COG1: variants seen among roughly 807,000 people sequenced by gnomAD.
COG1 encodes conserved oligomeric Golgi complex subunit 1.
A neutral mutation model predicts 102.2 loss-of-function variants in COG1; 61 were observed. That is an observed-to-expected ratio of 0.60 (90% CI 0.49 to 0.74). The LOEUF (loss-of-function observed/expected upper bound fraction) is 0.74, where lower values mean the gene tolerates loss of function less well. COG1 is among the 30% of genes least tolerant of loss of function. COG1 has a pLI of 0.00. For missense variants in COG1, 1,164 were observed against 1,232.1 expected, an observed-to-expected ratio of 0.94 and a Z score of 0.83; for synonymous variants, 454 against 493.6, an observed-to-expected ratio of 0.92 and a Z score of 1.06.
At chr17:73,198,665 G>C (rs2061334761) in intron 4 of COG1, among the ~76,000 whole-genome samples, 1 of 151,906 alleles carries the variant, frequency 6.6e-6, no homozygotes, top group Non-Finnish European at 1.5e-5. Flanking sequence ...GCAGGTGCCT[G>C]AGGGCCCAGA....
chr17:73,203,889 A>C, intron 9 of COG1, 96 bp downstream of exon 9: 1 of 1,399,694 alleles, frequency 7.1e-7, no homozygotes, highest in Non-Finnish European at 1.0e-6. Flanking sequence ...CAAAGACTCA[A>C]ACTGTTAAGG....
intron 5 of COG1, 95 bp from the exon 6 acceptor site, chr17:73,200,471 A>G: frequency 1.9e-6 from 2 of 1,061,324 alleles, no homozygotes; most frequent in Non-Finnish European, 1.5e-6. Flanking sequence ...TGGAACTCAG[A>G]TAAGAGATTG....
chr17:73,196,910 C>T lies in COG1; in HGVS notation c.571C>T (p.Leu191=). The T allele has an allele frequency of 6.2e-7, 1 of 1,614,224 alleles. No individual in the cohort carries two copies. The part of the protein sequence containing the change: ...AAASHFRSTI[L]HESKMLLKCQ... ...TCATCATTTTTCTAGGTCAACTATT[C>T]TGCATGAAAGCAAGATGTTGCTCAA... Residue 191 remains leucine (L), a synonymous_variant, in exon 3 of 14, where the codon CTG becomes TTG. Coordinates refer to ENST00000299886, the MANE Select transcript of COG1 (RefSeq NM_018714.3).
intron 1 of COG1, among the ~76,000 whole-genome samples, chr17:73,196,274 C>G (rs1296306448): frequency 6.6e-6 from 1 of 152,120 alleles, no homozygotes. Flanking sequence ...TTTGCCTCTT[C>G]GTGGGGCTGA....
chr17:73,202,795 G>A (rs2061352440), intron 7 of COG1, among the ~76,000 whole-genome samples: 1 of 152,116 alleles, frequency 6.6e-6, no homozygotes, highest in African/African-American at 2.4e-5. Flanking sequence ...CAAAAAAAAA[G>A]AAGTGGTATT....
chr17:73,194,945 C>A (rs1246321294), intron 1 of COG1, among the ~76,000 whole-genome samples: 1 of 152,210 alleles, frequency 6.6e-6, no homozygotes, highest in East Asian at 1.9e-4. Context: ...TTACAGAAAT[C>A]CTGGTCAGTA....
chr17:73,193,725 T>C (rs189354473), intron 1 of COG1, among the ~76,000 whole-genome samples: 22 of 152,316 alleles, frequency 1.4e-4, no homozygotes, highest in African/African-American at 4.1e-4. Flanking sequence ...AACGCTCACC[T>C]ATATAACATG....
rs2061355105 is a variant in COG1 at position 73,203,434 on chromosome 17, TCA to T, written c.2221-197_2221-196del. 6 of 745,140 alleles carry T rather than the reference TCA, an allele frequency of 8.1e-6. No homozygotes were observed. In the East Asian group the frequency reaches 1.6e-4, roughly 20 times the overall value. The allele number at this position is 745,140 out of a possible 1,614,324, so 46.2% of individuals were successfully genotyped here. A position where few individuals can be genotyped will look rare whatever the true frequency, so the allele number is the denominator to read the frequency against. ...CACAGGCACCTCTTCGAGATCAGCC[TCA>T]GACCGTGGAGGCAGTAACAGCAAAT... On this transcript the variant is annotated intron_variant, in intron 8 of 13. Transcript: ENST00000299886.
chr17:73,199,087 T>A (rs1202371314), intron 4 of COG1, among the ~76,000 whole-genome samples: 1 of 152,192 alleles, frequency 6.6e-6, no homozygotes, highest in Non-Finnish European at 1.5e-5. Context: ...GGGAGGGCCC[T>A]GGGTTTCAAA....
chr17:73,206,184 C>G lies in COG1; in HGVS notation c.2541C>G (p.Ala847=). Residue 847 remains alanine (A), a synonymous_variant, in exon 11 of 14, where the codon GCC becomes GCG. Coordinates refer to ENST00000299886, the MANE Select transcript of COG1 (RefSeq NM_018714.3). ...RIEKVTDHLE[A]LIDPFDLDVF... is the part of the protein sequence containing the mutation. ...AGAAAGTGACTGACCACCTGGAAGC[C>G]CTCATTGATCCATTTGACCTGGACG... 1 of 1,614,134 alleles carries G rather than the reference C, an allele frequency of 6.2e-7. No individual in the cohort carries two copies. Among genetic ancestry groups the G allele is most frequent in the East Asian group, 2.2e-5 (1 of 44,886 alleles).
intron 1 of COG1, 77 bp downstream of exon 1, chr17:73,193,461 C>T (rs965913326): frequency 1.5e-6 from 2 of 1,358,648 alleles, no homozygotes; most frequent in African/African-American, 3.1e-5. Context: ...ACCCCGCCCC[C>T]CTCTGTCAGT....
chr17:73,201,516 G>A lies in COG1; in HGVS notation c.1689G>A (p.Ala563=), dbSNP rs1313968056. ...CTGCCTTTGACAGATACGCAGATGC[G>A]GGGACCGTGCAGGAGATGCTGCGGA... ...KSSAFDRYAD[A]GTVQEMLRTQ... is the part of the protein sequence containing the mutation. The change falls in exon 7 of 14, where the codon GCG becomes GCA. Residue 563 remains alanine, a synonymous_variant. Coordinates refer to ENST00000299886, the MANE Select transcript of COG1 (RefSeq NM_018714.3). 5.0e-6 allele frequency: 8 copies of A among 1,614,102 alleles called. No homozygotes were observed. Among genetic ancestry groups the A allele is most frequent in the African/African-American group, 1.3e-5 (1 of 74,940 alleles).
At chr17:73,208,145 G>T in intron 13 of COG1, 169 bp from the exon 14 acceptor site, 1 of 1,509,622 alleles carries the variant, frequency 6.6e-7, no homozygotes, top group Non-Finnish European at 8.8e-7. Context: ...ATGCTGTTCC[G>T]TGTCCTCTTC....
intron 7 of COG1, among the ~76,000 whole-genome samples, chr17:73,202,418 T>A (rs900733584): frequency 6.6e-6 from 1 of 152,240 alleles, no homozygotes; most frequent in Non-Finnish European, 1.5e-5. Context: ...CAGATGAGAA[T>A]GAAAGACTTT....
At chr17:73,207,623 T>C in intron 13 of COG1, 1 of 1,105,814 alleles carries the variant, frequency 9.0e-7, no homozygotes, top group South Asian at 1.3e-5. Flanking sequence ...TATCTTCCCT[T>C]TTAGTTGGGT....
At chr17:73,203,465 A>G (rs1020332936) in intron 8 of COG1, 167 bp from the exon 9 acceptor site, 1 of 844,178 alleles carries the variant, frequency 1.2e-6, no homozygotes, top group South Asian at 1.6e-5. Flanking sequence ...AGCAAATTGC[A>G]CTTAACCAGG....
In COG1 at chr17:73,206,139, T is replaced by TA. The variant is rs1195706038; in HGVS notation, c.2511-13dup. 1.6e-5 allele frequency: 26 copies of TA among 1,582,748 alleles called. No individual in the cohort carries two copies. Among genetic ancestry groups the TA allele is most frequent in the Non-Finnish European group, 2.3e-5 (26 of 1,151,376 alleles). On this transcript the variant is annotated splice_polypyrimidine_tract_variant and intron_variant, in intron 10 of 13. Transcript: ENST00000299886. ...TAAAAAATGTGGACAGTAATGATCC[T>TA]AATCCTTTTCTCAGAATTGAGAAAG...
At chr17:73,206,110 A>G (rs200029265) in intron 10 of COG1, 44 bp from the exon 11 acceptor site, 1 of 1,441,026 alleles carries the variant, frequency 6.9e-7, no homozygotes, top group East Asian at 2.3e-5. Flanking sequence ...ATTGTTTTTG[A>G]TCCTAAAAAA....
At chr17:73,202,199 C>T (rs1369645930) in intron 7 of COG1, among the ~76,000 whole-genome samples, 1 of 152,042 alleles carries the variant, frequency 6.6e-6, no homozygotes, top group Non-Finnish European at 1.5e-5. Context: ...ATTAGCCGGG[C>T]ATGGTGGTGG....
Sources: gnomAD v4.1 joint callset for allele counts (sites outside exome capture counted in the v4.1 genomes callset) on GRCh38, gnomAD v4.1.1 for gene constraint, MANE v1.5 for transcripts, NCBI Gene and HGNC (gene_info 2026-07-23, HGNC 2026-07-21) for gene names.